Variants in PRDM11 observed in about 807,000 individuals in gnomAD.
The protein encoded by PRDM11 is PR domain-containing protein 11.
A neutral mutation model predicts 97.8 loss-of-function variants in PRDM11; 20 were observed. The observed-to-expected ratio is 0.20, with a 90% CI of 0.14 to 0.30. The LOEUF (loss-of-function observed/expected upper bound fraction) is 0.30. Ranked by LOEUF, PRDM11 falls within the 10% of genes least tolerant of loss-of-function variation. The pLI, the probability that PRDM11 is intolerant of heterozygous loss-of-function variation, is 1.00. For synonymous variants in PRDM11, 599 were observed against 637.7 expected, an observed-to-expected ratio of 0.94 and a Z score of 0.91; for missense variants, 1,139 against 1,555.2, an observed-to-expected ratio of 0.73 and a Z score of 4.50.
intron 1 of PRDM11, among the ~76,000 whole-genome samples, chr11:45,158,802 C>G (rs1033968710): frequency 2.0e-5 from 3 of 152,142 alleles, no homozygotes; most frequent in African/African-American, 4.8e-5. Flanking sequence ...CGGTGCCCCC[C>G]CTTCTCTAAG....
intron 1 of PRDM11, among the ~76,000 whole-genome samples, chr11:45,179,113 T>C (rs1469853598): frequency 1.3e-5 from 2 of 152,042 alleles, no homozygotes; most frequent in Non-Finnish European, 2.9e-5. Flanking sequence ...GGATGGAGAA[T>C]GGCATACAGG....
intron 4 of PRDM11, among the ~76,000 whole-genome samples, chr11:45,196,730 G>T (rs1853135942): frequency 6.6e-6 from 1 of 152,192 alleles, no homozygotes; most frequent in Non-Finnish European, 1.5e-5. Flanking sequence ...CGGGTGGTTG[G>T]TCCTGAGGCT....
chr11:45,130,849 C>T (rs1473329660), intron 1 of PRDM11, among the ~76,000 whole-genome samples: 3 of 152,032 alleles, frequency 2.0e-5, no homozygotes, highest in East Asian at 1.9e-4. Context: ...TGTTATGAGA[C>T]GTTTAGGTGT....
At chr11:45,184,461 C>T (rs1312429403) in intron 4 of PRDM11, among the ~76,000 whole-genome samples, 3 of 152,132 alleles carry the variant, frequency 2.0e-5, no homozygotes, top group South Asian at 2.1e-4. Flanking sequence ...GTTCTGTAGT[C>T]GGCAATGGTG....
In PRDM11 at chr11:45,224,407, C is replaced by T; in HGVS notation, c.933C>T (p.Ala311=). Reference sequence around the variant, plus strand: ...TGATTTTCAAGGATGTTCTGGAGGCCTCACTGGAATCTGCGAAGGTGGAAG... The same window carrying T: ...TGATTTTCAAGGATGTTCTGGAGGCTTCACTGGAATCTGCGAAGGTGGAAG... ...IDLIFKDVLE[A]SLESAKVEAH... is the part of the protein sequence containing the mutation. Residue 311 remains alanine, a synonymous_variant, in exon 7 of 8, where the codon GCC becomes GCT. Coordinates refer to ENST00000683152, the MANE Select transcript of PRDM11 (RefSeq NM_001384648.1). 1 of 1,614,218 alleles carries T rather than the reference C, an allele frequency of 6.2e-7. No individual in the cohort carries two copies. Among genetic ancestry groups the T allele is most frequent in the African/African-American group, 1.3e-5 (1 of 75,060 alleles).
chr11:45,225,825 C>T (rs909858085), intron 7 of PRDM11, among the ~76,000 whole-genome samples, 170 bp from the exon 8 acceptor site: 7 of 152,168 alleles, frequency 4.6e-5, no homozygotes, highest in Admixed American at 1.3e-4. Context: ...CATGGGCAAG[C>T]AGGAGTGCTC....
intron 1 of PRDM11, among the ~76,000 whole-genome samples, chr11:45,156,415 C>T (rs978602565): frequency 1.3e-5 from 2 of 152,216 alleles, no homozygotes; most frequent in Non-Finnish European, 2.9e-5. Flanking sequence ...GGGCCCTGCA[C>T]CAGGTTCCTC....
intron 1 of PRDM11, among the ~76,000 whole-genome samples, chr11:45,152,822 C>G (rs1851692344): frequency 6.6e-6 from 1 of 152,342 alleles, no homozygotes; most frequent in Non-Finnish European, 1.5e-5. Context: ...GCCCTCCGGC[C>G]TAACCCGGAT....
At position 45,231,793 on chromosome 11, in the gene PRDM11, A is replaced by C. The variant is rs1590491064; in HGVS notation, c.*3634A>C. ...AACTCTTGCCATGTCAGAATCCCCA[A>C]GTTTTGCCTGCCTGGTTGAATATGA... On this transcript the variant is annotated 3_prime_UTR_variant, in exon 8 of 8. Coordinates refer to ENST00000683152, the MANE Select transcript of PRDM11 (RefSeq NM_001384648.1). 6.6e-6 allele frequency: 1 copy of C among 152,048 alleles called. No homozygotes were observed. Among genetic ancestry groups the C allele is most frequent in the Admixed American group, 6.5e-5 (1 of 15,268 alleles). 9.4% of individuals were successfully genotyped at this position (152,048 alleles called of 1,614,324 possible).
At chr11:45,137,559 T>C (rs1196121986) in intron 1 of PRDM11, among the ~76,000 whole-genome samples, 4 of 152,096 alleles carry the variant, frequency 2.6e-5, no homozygotes, top group African/African-American at 9.7e-5. Context: ...CAGACCAACC[T>C]GGGCAACATG....
intron 4 of PRDM11, among the ~76,000 whole-genome samples, chr11:45,185,611 C>A (rs1852675572): frequency 6.6e-6 from 1 of 152,206 alleles, no homozygotes; most frequent in Middle Eastern, 3.4e-3. Context: ...TGATTCCTAA[C>A]CTTTTACATC....
chr11:45,209,002 A>C, intron 5 of PRDM11: 1 of 456,742 alleles, frequency 2.2e-6, no homozygotes, highest in Non-Finnish European at 4.4e-6. Flanking sequence ...CGGCTGTCCC[A>C]TGCTGACAGG....
intron 4 of PRDM11, among the ~76,000 whole-genome samples, chr11:45,197,947 C>A (rs1853188140): frequency 6.6e-6 from 1 of 152,028 alleles, no homozygotes; most frequent in African/African-American, 2.4e-5. Context: ...GTGCAGCACA[C>A]CAACATGGCA....
At chr11:45,195,782 G>A (rs1408815924) in intron 4 of PRDM11, among the ~76,000 whole-genome samples, 2 of 151,712 alleles carry the variant, frequency 1.3e-5, no homozygotes, top group African/African-American at 4.8e-5. Context: ...TTGCATGTTG[G>A]CCAGGCTCGT....
At chr11:45,184,597 A>G (rs1055118975) in intron 4 of PRDM11, among the ~76,000 whole-genome samples, 4 of 152,284 alleles carry the variant, frequency 2.6e-5, no homozygotes, top group Non-Finnish European at 5.9e-5. Flanking sequence ...AGGAGGTATC[A>G]AGGACATCTG....
intron 1 of PRDM11, among the ~76,000 whole-genome samples, chr11:45,162,555 C>G (rs752888581): frequency 5.9e-5 from 9 of 152,170 alleles, no homozygotes; most frequent in Admixed American, 4.6e-4. Flanking sequence ...TCAGCAATAA[C>G]CACTCATATT....
chr11:45,126,670 T>C (rs1337954863), intron 1 of PRDM11, among the ~76,000 whole-genome samples: 1 of 152,224 alleles, frequency 6.6e-6, no homozygotes. Flanking sequence ...TGGCCCCCAC[T>C]CTCTTCTGGC....
intron 7 of PRDM11, among the ~76,000 whole-genome samples, chr11:45,225,785 C>T (rs1450632117): frequency 1.3e-5 from 2 of 152,088 alleles, no homozygotes; most frequent in Non-Finnish European, 2.9e-5. Flanking sequence ...ACAAGGCAAC[C>T]GTGGACAATC....
At chr11:45,155,125 A>G (rs577607819) in intron 1 of PRDM11, among the ~76,000 whole-genome samples, 17 of 152,310 alleles carry the variant, frequency 1.1e-4, no homozygotes, top group Non-Finnish European at 2.2e-4. Context: ...TGACTAGGGC[A>G]CTGAGCTGGG....
Sources: gnomAD v4.1 joint callset for allele counts (sites outside exome capture counted in the v4.1 genomes callset) on GRCh38, gnomAD v4.1.1 for gene constraint, MANE v1.5 for transcripts, NCBI Gene and HGNC (gene_info 2026-07-23, HGNC 2026-07-21) for gene names.